ZNF506: variants seen among roughly 807,000 people sequenced by gnomAD.
ZNF506 encodes zinc finger protein 506.
ZNF506 carries 10 observed loss-of-function variants against 11.6 expected under a neutral mutation model. The observed-to-expected ratio is 0.86, with a 90% CI of 0.53 to 1.46. The LOEUF is 1.46. ZNF506 is among the 40% of genes most tolerant of loss of function. The pLI, the probability that ZNF506 is intolerant of heterozygous loss-of-function variation, is 0.00. For missense variants in ZNF506, 425 were observed against 521.2 expected (o/e 0.82, Z 1.80); for synonymous variants, 156 against 173.3 (o/e 0.90, Z 0.78).
At position 19,813,476 on chromosome 19, in the gene ZNF506, T is replaced by C. The variant is rs114344369; in HGVS notation, c.4-6408A>G. The stretch of plus-strand genomic sequence containing the variant: ...TAGGAGTGTAAATTAGTTCAACAAC[T>C]ATAAAAAGCAGTGTGGTGATTCCTC... On this transcript the variant is annotated intron_variant, in intron 1 of 3. Transcript: ENST00000540806. 4.5e-3 allele frequency among the ~76,000 whole-genome samples: 681 copies of C among 152,294 alleles called. 9 individuals are homozygous for C. The highest frequency in any genetic ancestry group is 0.016 in the African/African-American group (656 of 41,566).
intron 1 of ZNF506, among the ~76,000 whole-genome samples, chr19:19,808,108 CTTTTTTTTTTTTTTTTTTTT>C (rs757160026): frequency 7.0e-5 from 4 of 56,772 alleles, no homozygotes; most frequent in South Asian, 9.2e-4. Context: ...TCATTAACCA[CTTTTTTTTTTTTTTTTTTTT>C]TTTTTTTTTT....
chr19:19,816,548 C>T (rs945638062), intron 1 of ZNF506, among the ~76,000 whole-genome samples: 1 of 152,120 alleles, frequency 6.6e-6, no homozygotes, highest in African/African-American at 2.4e-5. Context: ...GTAGTAGAGA[C>T]AGGGTTTCAC....
intron 3 of ZNF506, among the ~76,000 whole-genome samples, chr19:19,803,971 G>C (rs1015704018): frequency 6.6e-6 from 1 of 151,154 alleles, no homozygotes; most frequent in African/African-American, 2.4e-5. Flanking sequence ...CTGAGGTGTG[G>C]TTTACTTCCA....
chr19:19,814,301 G>C (rs1237183610), intron 1 of ZNF506, among the ~76,000 whole-genome samples: 1 of 151,740 alleles, frequency 6.6e-6, no homozygotes, highest in Non-Finnish European at 1.5e-5. Flanking sequence ...CCAGCTACTC[G>C]GGAGACTGAG....
At chr19:19,797,835 CTG>C (rs1185564660) in intron 3 of ZNF506, 2 of 152,194 alleles carry the variant, frequency 1.3e-5, no homozygotes, top group Admixed American at 6.5e-5. Flanking sequence ...CAAAAGGAAA[CTG>C]TGATATTGTT....
At chr19:19,821,266 A>G (rs1315349033) in intron 1 of ZNF506, among the ~76,000 whole-genome samples, 3 of 152,156 alleles carry the variant, frequency 2.0e-5, no homozygotes, top group African/African-American at 4.8e-5. Context: ...CCCATTCATG[A>G]ACCCGCACCC....
chr19:19,801,157 T>C (rs1231901867), intron 3 of ZNF506, among the ~76,000 whole-genome samples: 1 of 151,456 alleles, frequency 6.6e-6, no homozygotes, highest in Admixed American at 6.6e-5. Context: ...CAAAACTCCC[T>C]TTTAAAAAAA....
intron 1 of ZNF506, among the ~76,000 whole-genome samples, chr19:19,815,173 T>G (rs1249028008): frequency 6.6e-6 from 1 of 152,056 alleles, no homozygotes; most frequent in Non-Finnish European, 1.5e-5. Flanking sequence ...GACAGGAGAA[T>G]GGCGTGAACC....
chr19:19,797,292 A>G (rs2062750315), intron 3 of ZNF506: 1 of 152,150 alleles, frequency 6.6e-6, no homozygotes, highest in Non-Finnish European at 1.5e-5. Flanking sequence ...TAAAAATACA[A>G]AAAATTAGCT....
At chr19:19,804,639 T>A (rs1452181610) in intron 3 of ZNF506, among the ~76,000 whole-genome samples, 2 of 152,194 alleles carry the variant, frequency 1.3e-5, no homozygotes, top group Non-Finnish European at 2.9e-5. Flanking sequence ...CACACGTATG[T>A]TTATTGCGGC....
At chr19:19,811,975 T>G (rs952529005) in intron 1 of ZNF506, among the ~76,000 whole-genome samples, 1 of 152,018 alleles carries the variant, frequency 6.6e-6, no homozygotes, top group Non-Finnish European at 1.5e-5. Context: ...TAAAAGTTTC[T>G]GGATTGTAGG....
chr19:19,792,733 A>G lies in ZNF506; in HGVS notation c.*1819T>C, dbSNP rs2062704394. ...CCCCACTTTTTAAAAATCTTTATTA[A>G]TAAAGTAATTCATTATAATTTTTGA... On this transcript the variant is annotated 3_prime_UTR_variant, in exon 4 of 4. Coordinates refer to ENST00000540806, the MANE Select transcript of ZNF506 (RefSeq NM_001099269.3). 7.1e-6 allele frequency among the ~76,000 whole-genome samples: 1 copy of G among 141,690 alleles called. No individual in the cohort carries two copies. The highest frequency in any genetic ancestry group is 2.7e-5 in the African/African-American group (1 of 37,578). 93.0% of individuals were successfully genotyped at this position (141,690 alleles called of 152,430 possible). A position where few individuals can be genotyped will look rare whatever the true frequency, so the allele number is the denominator to read the frequency against.
Position 19,800,004 on chromosome 19 carries a change from G to A in ZNF506, c.227-4344C>T, listed in dbSNP as rs912773550. 2.6e-5 allele frequency among the ~76,000 whole-genome samples: 4 copies of A among 152,112 alleles called. 1 individual carries two copies. Among genetic ancestry groups the A allele is most frequent in the Admixed American group, 2.6e-4 (4 of 15,266 alleles). ...ACTAATAAAACAGAATGCAGCACATGTATTATATCACCTTTCACATAATTA... is the reference window on the plus strand; with the variant it reads ...ACTAATAAAACAGAATGCAGCACATATATTATATCACCTTTCACATAATTA... On this transcript the variant is annotated intron_variant, in intron 3 of 3. Coordinates refer to ENST00000540806, the MANE Select transcript of ZNF506 (RefSeq NM_001099269.3).
intron 3 of ZNF506, among the ~76,000 whole-genome samples, chr19:19,801,624 C>A (rs1415829374): frequency 6.6e-6 from 1 of 151,878 alleles, no homozygotes; most frequent in African/African-American, 2.4e-5. Context: ...AACCCCATCT[C>A]GACTAAAAAT....
In ZNF506 at chr19:19,821,748, A is replaced by T. The variant is rs918124077; in HGVS notation, c.-145T>A. ...TGGATCTCTGGCGTCAGCGAGAGAC[A>T]ATGGGCCCGCCAAAGCCGGAAGCCG... On this transcript the variant is annotated 5_prime_UTR_variant, in exon 1 of 4. Coordinates refer to ENST00000540806, the MANE Select transcript of ZNF506 (RefSeq NM_001099269.3). 3 of 1,072,178 alleles carry T rather than the reference A, an allele frequency of 2.8e-6. No homozygotes were observed. Among genetic ancestry groups the T allele is most frequent in the African/African-American group, 3.1e-5 (2 of 63,748 alleles). 66.4% of individuals were successfully genotyped at this position (1,072,178 alleles called of 1,614,324 possible). A position where few individuals can be genotyped will look rare whatever the true frequency, so the allele number is the denominator to read the frequency against.
chr19:19,805,655 C>CA (rs1335620555), intron 3 of ZNF506, among the ~76,000 whole-genome samples: 1 of 150,178 alleles, frequency 6.7e-6, no homozygotes, highest in Non-Finnish European at 1.5e-5. Flanking sequence ...AGACCTGATG[C>CA]AAAAAGAGAA....
In ZNF506 at chr19:19,807,029, G is replaced by A; in HGVS notation, c.43C>T (p.Leu15=). ...QFRDVAIEFS[L]EEWHCLDAAQ... is the part of the protein sequence containing the mutation. ...GCGTCCAGGCAATGCCACTCCTCCA[G>A]AGAGAATTCTATGGCCACATCTCTA... Residue 15 remains leucine (L), a synonymous_variant, in exon 2 of 4, where the codon CTG becomes TTG. Coordinates refer to ENST00000540806, the MANE Select transcript of ZNF506 (RefSeq NM_001099269.3). 1.9e-6 allele frequency: 3 copies of A among 1,614,002 alleles called. No individual in the cohort carries two copies. Among genetic ancestry groups the A allele is most frequent in the Non-Finnish European group, 2.5e-6 (3 of 1,179,968 alleles).
intron 1 of ZNF506, among the ~76,000 whole-genome samples, chr19:19,816,190 C>CT (rs1255591453): frequency 0.019 from 2,790 of 145,220 alleles, 84 homozygotes; most frequent in African/African-American, 0.065. Flanking sequence ...CTTTTCTTTT[C>CT]TTTTTTTTTT....
At position 19,807,040 on chromosome 19, in the gene ZNF506, A is replaced by G. The variant is rs183493360; in HGVS notation, c.32T>C (p.Ile11Thr). ...ATGCCACTCCTCCAGAGAGAATTCT[A>G]TGGCCACATCTCTAAATTGCAATGG... MGPLQFRDVA[I>T]EFSLEEWHCL... The change falls in exon 2 of 4, where the codon ATA becomes ACA. Residue 11 changes from isoleucine to threonine, a missense_variant. Physicochemically the swap from Ile to Thr is moderately conservative, Grantham distance 89. Coordinates refer to ENST00000540806, the MANE Select transcript of ZNF506 (RefSeq NM_001099269.3). 18 of 1,614,072 alleles carry G rather than the reference A, an allele frequency of 1.1e-5. No homozygotes were observed. The highest frequency in any genetic ancestry group is 2.2e-5 in the South Asian group (2 of 91,076).
Sources: gnomAD v4.1 joint callset for allele counts (sites outside exome capture counted in the v4.1 genomes callset) on GRCh38, gnomAD v4.1.1 for gene constraint, MANE v1.5 for transcripts, NCBI Gene and HGNC (gene_info 2026-07-23, HGNC 2026-07-21) for gene names.